HOXC4: variants seen among roughly 807,000 people sequenced by gnomAD.
The protein encoded by HOXC4 is homeobox C4.
HOXC4 carries 15 observed loss-of-function variants against 25.5 expected under a neutral mutation model. The observed-to-expected ratio is 0.59, with a 90% CI of 0.39 to 0.91. HOXC4 has a LOEUF of 0.91. Among genes scored for constraint, HOXC4 ranks in the 40% least tolerant of loss-of-function variants. HOXC4 has a pLI of 0.00. For missense variants in HOXC4, 342 were observed against 352.4 expected, an observed-to-expected ratio of 0.97 and a Z score of 0.24; for synonymous variants, 165 against 148.0, an observed-to-expected ratio of 1.11 and a Z score of -0.83.
chr12:54,018,105 C>T (rs1193978855), intron 1 of HOXC4, among the ~76,000 whole-genome samples: 2 of 148,856 alleles, frequency 1.3e-5, no homozygotes, highest in African/African-American at 5.0e-5. Context: ...CGCCCCCACT[C>T]GGGCGGATGG....
chr12:54,023,085 C>T (rs919575791), intron 1 of HOXC4, among the ~76,000 whole-genome samples: 4 of 152,308 alleles, frequency 2.6e-5, no homozygotes, highest in African/African-American at 9.6e-5. Flanking sequence ...AAGCTCTCTC[C>T]CCATTCCCAG....
chr12:54,031,981 C>A (rs1230361200), intron 1 of HOXC4, among the ~76,000 whole-genome samples: 1 of 152,214 alleles, frequency 6.6e-6, no homozygotes, highest in East Asian at 1.9e-4. Context: ...GGGCACATAA[C>A]GGGCCTTTTC....
intron 1 of HOXC4, 56 bp downstream of exon 1, chr12:54,054,417 C>G: frequency 7.8e-7 from 1 of 1,276,358 alleles, no homozygotes; most frequent in Non-Finnish European, 1.1e-6. Context: ...TAGCGCTCCC[C>G]ACCCTCCTCG....
At chr12:54,036,253 G>A (rs1169235708) in intron 1 of HOXC4, among the ~76,000 whole-genome samples, 2 of 152,094 alleles carry the variant, frequency 1.3e-5, no homozygotes, top group East Asian at 1.9e-4. Flanking sequence ...AAACTTTACT[G>A]CATTTCCTCT....
At chr12:54,035,339 A>G (rs2136451608) in intron 1 of HOXC4, 1 of 152,804 alleles carries the variant, frequency 6.5e-6, no homozygotes, top group South Asian at 2.1e-4. Flanking sequence ...TGTCATATCA[A>G]ATAAAGAGAG....
intron 1 of HOXC4, among the ~76,000 whole-genome samples, chr12:54,044,504 T>C (rs1790255460): frequency 6.6e-6 from 1 of 152,200 alleles, no homozygotes; most frequent in South Asian, 2.1e-4. Context: ...GTTCTGGGGC[T>C]GATCTCTCCC....
chr12:54,043,265 C>T (rs1385725450), intron 1 of HOXC4, among the ~76,000 whole-genome samples: 1 of 152,158 alleles, frequency 6.6e-6, no homozygotes, highest in Non-Finnish European at 1.5e-5. Context: ...AGAGAAAGTT[C>T]TACAGTGATC....
intron 1 of HOXC4, among the ~76,000 whole-genome samples, chr12:54,040,287 G>A (rs1941249641): frequency 6.6e-6 from 1 of 152,150 alleles, no homozygotes; most frequent in South Asian, 2.1e-4. Context: ...AATCAGAAAT[G>A]CACTAAGCAG....
At chr12:54,052,758 T>C (rs1937878368), upstream of HOXC4, among the ~76,000 whole-genome samples, 1 of 152,092 alleles carries the variant, frequency 6.6e-6, no homozygotes, top group South Asian at 2.1e-4. Context: ...CCTTCCGTTT[T>C]TGGAAAGCAG....
intron 1 of HOXC4, chr12:54,047,830 C>G (rs1207365107): frequency 6.6e-6 from 1 of 152,348 alleles, no homozygotes; most frequent in African/African-American, 2.4e-5. Flanking sequence ...GGCCCCTTCT[C>G]CGACTTTCCC....
chr12:54,028,702 G>A (rs778234830), intron 1 of HOXC4: 4 of 1,613,946 alleles, frequency 2.5e-6, no homozygotes, highest in South Asian at 2.2e-5. Context: ...ACAGGAGAAT[G>A]TCGTGTTCAG....
intron 1 of HOXC4, among the ~76,000 whole-genome samples, chr12:54,029,399 C>T: frequency 4.1e-5 from 2 of 49,124 alleles, no homozygotes; most frequent in African/African-American, 9.8e-5. Flanking sequence ...TTGCCTTTTG[C>T]CCCGCCCCCC....
At chr12:54,033,868 G>A (rs1941087430) in intron 1 of HOXC4, 1 of 505,002 alleles carries the variant, frequency 2.0e-6, no homozygotes, top group Non-Finnish European at 3.7e-6. Flanking sequence ...GCTCCAGAGC[G>A]GGGATCCCCC....
intron 1 of HOXC4, among the ~76,000 whole-genome samples, chr12:54,041,186 C>A (rs961839563): frequency 1.3e-5 from 2 of 152,218 alleles, no homozygotes; most frequent in Non-Finnish European, 2.9e-5. Flanking sequence ...AAGCAATAGG[C>A]GAGAAACTAT....
intron 1 of HOXC4, among the ~76,000 whole-genome samples, chr12:54,047,150 G>C (rs1286119195): frequency 2.0e-5 from 3 of 152,244 alleles, no homozygotes; most frequent in Non-Finnish European, 2.9e-5. Context: ...CAGGCGTCGC[G>C]CTTCCTCCGG....
At position 54,055,894 on chromosome 12, in the gene HOXC4, C is replaced by G. The variant is rs1472156188; in HGVS notation, c.*689C>G. 1 of 152,574 alleles carries G rather than the reference C, an allele frequency of 6.6e-6. No homozygotes were observed. Among genetic ancestry groups the G allele is most frequent in the Non-Finnish European group, 1.5e-5 (1 of 68,034 alleles). The allele number at this position is 152,574 out of a possible 1,614,324, so 9.5% of individuals were successfully genotyped here. A position where few individuals can be genotyped will look rare whatever the true frequency, so the allele number is the denominator to read the frequency against. On this transcript the variant is annotated 3_prime_UTR_variant, in exon 2 of 2. Transcript: ENST00000430889. ...GAGAGGCAGTCTATAGGTAGAATCTCTCCCCACCCCTATCGTGGTTATTGT... is the reference window on the plus strand; with the variant it reads ...GAGAGGCAGTCTATAGGTAGAATCTGTCCCCACCCCTATCGTGGTTATTGT...
intron 1 of HOXC4, among the ~76,000 whole-genome samples, chr12:54,027,278 T>G (rs1161017933): frequency 6.6e-6 from 1 of 152,216 alleles, no homozygotes; most frequent in Non-Finnish European, 1.5e-5. Flanking sequence ...TGAGAGCTCC[T>G]TAGAACCCCT....
chr12:54,054,533 A>G (rs953353271), intron 1 of HOXC4, among the ~76,000 whole-genome samples, 172 bp downstream of exon 1: 1 of 151,656 alleles, frequency 6.6e-6, no homozygotes, highest in Non-Finnish European at 1.5e-5. Context: ...ATGGGTAATT[A>G]CATCCCCCAT....
chr12:54,034,139 C>T (rs1382441097), intron 1 of HOXC4: 3 of 847,184 alleles, frequency 3.5e-6, no homozygotes, highest in Non-Finnish European at 6.0e-6. Flanking sequence ...GCTGGCCCGC[C>T]TGCGGCCCGC....
Sources: allele counts gnomAD v4.1 joint callset (sites outside exome capture counted in the v4.1 genomes callset), GRCh38; gene constraint gnomAD v4.1.1; transcripts MANE v1.5; gene names NCBI Gene and HGNC (gene_info 2026-07-23, HGNC 2026-07-21).